Variants in SGTB observed in about 807,000 individuals in gnomAD.
SGTB encodes the protein small glutamine rich tetratricopeptide repeat co-chaperone beta, also known as small glutamine-rich tetratricopeptide repeat-containing protein beta.
SGTB carries 19 observed loss-of-function variants against 43.9 expected under a neutral mutation model. The observed-to-expected ratio is 0.43, with a 90% confidence interval of 0.30 to 0.63. The LOEUF is 0.63. Among genes scored for constraint, SGTB ranks in the 30% least tolerant of loss-of-function variants. The probability of loss-of-function intolerance (pLI) is 0.12; values close to 1 mark genes in which losing one functional copy is unlikely to be tolerated. For missense variants in SGTB, 304 were observed against 358.9 expected (o/e 0.85, Z 1.24); for synonymous variants, 116 against 117.3 (o/e 0.99, Z 0.07).
rs1225140819 is a variant in SGTB at position 65,687,731 on chromosome 5, A to G, written c.375-2259T>C. On this transcript the variant is annotated intron_variant, in intron 5 of 10. Transcript: ENST00000381007. ...AATGCAAGGAATTAACTGAATGACA[A>G]TGGAATCCTACCAACTCAGGGAGTT... Among the ~76,000 whole-genome samples, 7 of 152,174 alleles carry G rather than the reference A, an allele frequency of 4.6e-5. No individual in the cohort carries two copies. In the East Asian group the frequency reaches 7.7e-4, roughly 17 times the overall value.
chr5:65,678,201 C>A (rs901797929), intron 8 of SGTB, among the ~76,000 whole-genome samples: 4 of 152,122 alleles, frequency 2.6e-5, no homozygotes, highest in Middle Eastern at 3.2e-3. Context: ...TACATACCAA[C>A]AACAGGCAAG....
intron 6 of SGTB, among the ~76,000 whole-genome samples, chr5:65,682,782 G>A (rs945004520): frequency 2.0e-5 from 3 of 152,106 alleles, no homozygotes; most frequent in Non-Finnish European, 4.4e-5. Context: ...GAATATATGA[G>A]TACGGAGTTC....
chr5:65,677,054 A>C lies in SGTB; in HGVS notation c.681+3440T>G, dbSNP rs140962017. Among the ~76,000 whole-genome samples the C allele has an allele frequency of 8.5e-3, 1,298 of 151,960 alleles. 24 individuals are homozygous for C. Among genetic ancestry groups the C allele is most frequent in the African/African-American group, 0.03 (1,229 of 41,466 alleles). ...TGAATACAGGAGCTAGTTTTTTGATAAAATTAATAAAATAGACCGCTAGCT... is the reference window on the plus strand; with the variant it reads ...TGAATACAGGAGCTAGTTTTTTGATCAAATTAATAAAATAGACCGCTAGCT... On this transcript the variant is annotated intron_variant, in intron 8 of 10. Coordinates refer to ENST00000381007, the MANE Select transcript of SGTB (RefSeq NM_019072.3).
chr5:65,704,483 G>C, intron 4 of SGTB, 105 bp from the exon 5 acceptor site: 1 of 835,258 alleles, frequency 1.2e-6, no homozygotes, highest in Non-Finnish European at 1.7e-6. Context: ...ATGAAAGTCG[G>C]CCTCATGATT....
intron 3 of SGTB, among the ~76,000 whole-genome samples, chr5:65,711,906 A>G (rs548042673): frequency 6.6e-6 from 1 of 152,304 alleles, no homozygotes; most frequent in Non-Finnish European, 1.5e-5. Context: ...AAGCTCAAGT[A>G]CGGAGTTAGA....
At chr5:65,682,593 T>C (rs899445931) in intron 6 of SGTB, among the ~76,000 whole-genome samples, 1 of 152,252 alleles carries the variant, frequency 6.6e-6, no homozygotes, top group Admixed American at 6.5e-5. Context: ...TCAGTACTTA[T>C]GTCAGGCGTA....
rs1244799506 is a variant in SGTB at position 65,669,441 on chromosome 5, T to C, written c.*805A>G. Reference sequence around the variant, plus strand: ...TTGTGATAATTAAGTCAAACAGTTGTACCACTGACCTAACCAGTACATTAA... The same window carrying C: ...TTGTGATAATTAAGTCAAACAGTTGCACCACTGACCTAACCAGTACATTAA... On this transcript the variant is annotated 3_prime_UTR_variant, in exon 11 of 11. Coordinates refer to ENST00000381007, the MANE Select transcript of SGTB (RefSeq NM_019072.3). 1.3e-5 allele frequency: 2 copies of C among 152,158 alleles called. No homozygotes were observed. The highest frequency in any genetic ancestry group is 2.1e-4 in the South Asian group (1 of 4,824). The allele number at this position is 152,158 out of a possible 1,614,324, so 9.4% of individuals were successfully genotyped here.
At chr5:65,670,637 A>C (rs1273871097) in intron 10 of SGTB, among the ~76,000 whole-genome samples, 5 of 152,226 alleles carry the variant, frequency 3.3e-5, no homozygotes, top group Non-Finnish European at 7.3e-5. Flanking sequence ...AAAGAAGCAA[A>C]GGGTAAGACG....
intron 4 of SGTB, 64 bp from the exon 5 acceptor site, chr5:65,704,442 G>C (rs1757891342): frequency 8.4e-7 from 1 of 1,197,318 alleles, no homozygotes; most frequent in African/African-American, 1.6e-5. Context: ...CACTCTTATA[G>C]ACACATTTTA....
At chr5:65,717,642 T>C (rs1480216241) in intron 2 of SGTB, among the ~76,000 whole-genome samples, 1 of 151,850 alleles carries the variant, frequency 6.6e-6, no homozygotes, top group African/African-American at 2.4e-5. Flanking sequence ...CAACTAAAAG[T>C]GAGGACAGTG....
At chr5:65,720,070 A>G (rs551123484) in intron 2 of SGTB, among the ~76,000 whole-genome samples, 1 of 138,668 alleles carries the variant, frequency 7.2e-6, no homozygotes, top group South Asian at 2.3e-4. Flanking sequence ...ATTTGGTTTC[A>G]TTTTCTTTTT....
rs1354128459 is a variant in SGTB, at chr5:65,667,453, T to C, written c.*2793A>G. On this transcript the variant is annotated 3_prime_UTR_variant, in exon 11 of 11. Coordinates refer to ENST00000381007, the MANE Select transcript of SGTB (RefSeq NM_019072.3). ...TGCTTTTTATATCACAGTAATGACT[T>C]CTATGTGTTAGTAGTAGTACTTCGT... The C allele has an allele frequency of 3.3e-5, 5 of 152,218 alleles. No individual in the cohort carries two copies. Among genetic ancestry groups the C allele is most frequent in the Admixed American group, 2.6e-4 (4 of 15,282 alleles). 9.4% of individuals were successfully genotyped at this position (152,218 alleles called of 1,614,324 possible).
At chr5:65,677,457 A>C (rs1757304681) in intron 8 of SGTB, among the ~76,000 whole-genome samples, 1 of 152,160 alleles carries the variant, frequency 6.6e-6, no homozygotes, top group African/African-American at 2.4e-5. Flanking sequence ...TAAAAAATTG[A>C]AAAGGAGGAT....
rs1346641508 is a variant in SGTB at position 65,666,364 on chromosome 5, A to AGAT, written c.*3879_*3881dup. ...CTGTTTAACCTATATTATAAAAGTT[A>AGAT]GATACACAATTTGGTACATTAAATG... On this transcript the variant is annotated 3_prime_UTR_variant, in exon 11 of 11. Transcript: ENST00000381007. 6.6e-6 allele frequency: 1 copy of AGAT among 152,202 alleles called. No individual in the cohort carries two copies. Among genetic ancestry groups the AGAT allele is most frequent in the African/African-American group, 2.4e-5 (1 of 41,468 alleles). The allele number at this position is 152,202 out of a possible 1,614,324, so 9.4% of individuals were successfully genotyped here.
Position 65,712,951 on chromosome 5 carries a change from G to C in SGTB, c.204+10C>G. The stretch of plus-strand genomic sequence containing the variant: ...TATCAGTTAATAATGAGAAAATAAT[G>C]ACAACATACCTTACAGAAGGAACTG... On this transcript the variant is annotated intron_variant, in intron 3 of 10. Coordinates refer to ENST00000381007, the MANE Select transcript of SGTB (RefSeq NM_019072.3). The C allele has an allele frequency of 6.3e-7, 1 of 1,595,480 alleles. No individual in the cohort carries two copies. The highest frequency in any genetic ancestry group is 8.6e-7 in the Non-Finnish European group (1 of 1,168,786).
chr5:65,693,774 T>C (rs569724081), intron 5 of SGTB, among the ~76,000 whole-genome samples: 7 of 152,122 alleles, frequency 4.6e-5, no homozygotes, highest in South Asian at 4.1e-4. Flanking sequence ...AATAGGGAAA[T>C]AGATATGCAA....
intron 5 of SGTB, among the ~76,000 whole-genome samples, chr5:65,696,865 A>G (rs1231961590): frequency 1.3e-5 from 2 of 152,244 alleles, no homozygotes; most frequent in Non-Finnish European, 2.9e-5. Flanking sequence ...CAAGTACCAG[A>G]AAAGAAAGAG....
At chr5:65,708,231 A>G (rs1443183340) in intron 4 of SGTB, among the ~76,000 whole-genome samples, 2 of 152,230 alleles carry the variant, frequency 1.3e-5, no homozygotes. Flanking sequence ...AACCGAAGCA[A>G]TTCGCCCTTA....
chr5:65,698,000 G>T (rs1356904187), intron 5 of SGTB, among the ~76,000 whole-genome samples: 2 of 152,138 alleles, frequency 1.3e-5, no homozygotes, highest in Non-Finnish European at 2.9e-5. Flanking sequence ...AACTCTAGAG[G>T]AAATGAATCT....
Sources: allele counts gnomAD v4.1 joint callset (sites outside exome capture counted in the v4.1 genomes callset), GRCh38; gene constraint gnomAD v4.1.1; transcripts MANE v1.5; gene names NCBI Gene and HGNC (gene_info 2026-07-23, HGNC 2026-07-21).